ARID5B: variants seen among roughly 807,000 people sequenced by gnomAD.
ARID5B encodes AT-rich interaction domain 5B, also known as AT-rich interactive domain-containing protein 5B.
ARID5B carries 13 observed loss-of-function variants against 97.2 expected under a neutral mutation model. The observed-to-expected ratio is 0.13, with a 90% confidence interval of 0.09 to 0.21. The LOEUF (loss-of-function observed/expected upper bound fraction) is 0.21, where lower values mean the gene tolerates loss of function less well. Among genes scored for constraint, ARID5B ranks in the 10% least tolerant of loss-of-function variants. The pLI is 1.00. For missense variants in ARID5B, 1,210 were observed against 1,465.3 expected (o/e 0.83, Z 2.84); for synonymous variants, 556 against 570.3 (o/e 0.97, Z 0.36).
chr10:61,947,097 T>C (rs1023496545), intron 3 of ARID5B, among the ~76,000 whole-genome samples: 5 of 152,122 alleles, frequency 3.3e-5, no homozygotes, highest in South Asian at 2.1e-4. Context: ...CCAATTAACA[T>C]TGGAGGAGAT....
At chr10:61,962,858 T>C (rs1838490766) in intron 3 of ARID5B, among the ~76,000 whole-genome samples, 1 of 152,230 alleles carries the variant, frequency 6.6e-6, no homozygotes, top group South Asian at 2.1e-4. Flanking sequence ...TGATTGGTAA[T>C]TATGACTTAC....
intron 3 of ARID5B, among the ~76,000 whole-genome samples, chr10:61,969,393 T>C (rs2132831515): frequency 6.6e-6 from 1 of 152,266 alleles, no homozygotes; most frequent in Admixed American, 6.5e-5. Flanking sequence ...ATTGAACCTA[T>C]AATATGCATT....
chr10:62,060,591 AC>A (rs1839909649), intron 7 of ARID5B, among the ~76,000 whole-genome samples: 1 of 152,146 alleles, frequency 6.6e-6, no homozygotes, highest in Middle Eastern at 3.2e-3. Flanking sequence ...ACTCCTTGCC[AC>A]TGTAGCTCAT....
chr10:62,030,000 C>G lies in ARID5B; in HGVS notation c.734-20888C>G, dbSNP rs139391527. ...TGGGTCAGAGAAAGAGATGATCGCC[C>G]TATGATAAGTTTATTGGGTTCTAAA... On this transcript the variant is annotated intron_variant, in intron 4 of 9. Coordinates refer to ENST00000279873, the MANE Select transcript of ARID5B (RefSeq NM_032199.3). Among the ~76,000 whole-genome samples, 15 of 152,226 alleles carry G rather than the reference C, an allele frequency of 9.9e-5. No homozygotes were observed. In the East Asian group the frequency reaches 2.9e-3, roughly 29 times the overall value.
rs768295996 is a variant in ARID5B at position 62,015,515 on chromosome 10, T to A, written c.733+15194T>A. ...ATCTGACTTGAGCTCAATGGGACTTTTGTCAAATATATACAGCAGTGCTCC... is the reference window on the plus strand; with the variant it reads ...ATCTGACTTGAGCTCAATGGGACTTATGTCAAATATATACAGCAGTGCTCC... On this transcript the variant is annotated intron_variant, in intron 4 of 9. Transcript: ENST00000279873. Among the ~76,000 whole-genome samples the A allele has an allele frequency of 7.6e-4, 116 of 152,322 alleles. 1 individual carries two copies. The highest frequency in any genetic ancestry group is 1.3e-3 in the Non-Finnish European group (91 of 68,032).
intron 4 of ARID5B, among the ~76,000 whole-genome samples, chr10:62,017,490 CTT>C (rs527363249): frequency 6.9e-6 from 1 of 144,574 alleles, no homozygotes; most frequent in Admixed American, 6.9e-5. Context: ...TTTTGTTCTG[CTT>C]TTTTTTTTTT....
chr10:61,983,849 T>C (rs1838810104), intron 3 of ARID5B, among the ~76,000 whole-genome samples: 1 of 151,886 alleles, frequency 6.6e-6, no homozygotes, highest in Admixed American at 6.6e-5. Context: ...AATTATATTT[T>C]TTAAACCCCC....
intron 6 of ARID5B, 98 bp downstream of exon 6, chr10:62,057,416 T>G: frequency 8.1e-7 from 1 of 1,234,618 alleles, no homozygotes; most frequent in Admixed American, 2.2e-5. Flanking sequence ...GAAATCCTAA[T>G]CTGGGGATAG....
At chr10:61,920,826 C>T (rs1844001880) in intron 2 of ARID5B, among the ~76,000 whole-genome samples, 1 of 152,114 alleles carries the variant, frequency 6.6e-6, no homozygotes, top group South Asian at 2.1e-4. Flanking sequence ...ATAAAATCAG[C>T]TTCTTTCTCT....
rs554636672 is a variant in ARID5B at position 62,094,317 on chromosome 10, G to T, written c.*1287G>T. The T allele has an allele frequency of 4.3e-6, 1 of 230,950 alleles. No individual in the cohort carries two copies. The highest frequency in any genetic ancestry group is 8.6e-6 in the Non-Finnish European group (1 of 116,678). The allele number at this position is 230,950 out of a possible 1,614,324, so 14.3% of individuals were successfully genotyped here. On this transcript the variant is annotated 3_prime_UTR_variant, in exon 10 of 10. Transcript: ENST00000279873. ...CTTCTCTAGCCTCGGTCTTTTGAGT[G>T]ATAAGTAGTCATGTTGTTTTCATCC...
chr10:62,072,387 G>A (rs1840076984), intron 8 of ARID5B, among the ~76,000 whole-genome samples: 1 of 152,194 alleles, frequency 6.6e-6, no homozygotes, highest in Non-Finnish European at 1.5e-5. Flanking sequence ...TGCCTCCCAG[G>A]ACACACTGTT....
chr10:61,907,275 G>A (rs1385365804), intron 2 of ARID5B, among the ~76,000 whole-genome samples: 1 of 152,194 alleles, frequency 6.6e-6, no homozygotes, highest in Admixed American at 6.5e-5. Context: ...CATATCTGGA[G>A]TTAGACAGAC....
Position 62,000,098 on chromosome 10 carries a change from C to T in ARID5B, c.510C>T (p.Asp170=), listed in dbSNP as rs370897671. 4 of 1,613,796 alleles carry T rather than the reference C, an allele frequency of 2.5e-6. No individual in the cohort carries two copies. The highest frequency in any genetic ancestry group is 2.7e-5 in the African/African-American group (2 of 74,972). ...GTTTTCTCGTTTGTCTAGGGGAGGA[C>T]GAGGAAGAAACGAACGTGATAGTTC... ...VLKEKADLGE[D]EEETNVIVLS... Residue 170 remains aspartate (D), a synonymous_variant, in exon 4 of 10, where the codon GAC becomes GAT. Transcript: ENST00000279873. The surrounding 1 kb of genome is among the most constrained non-coding windows in gnomAD (Gnocchi z 4.4).
At chr10:61,992,406 TG>T (rs750284413) in intron 3 of ARID5B, among the ~76,000 whole-genome samples, 17 of 152,208 alleles carry the variant, frequency 1.1e-4, no homozygotes, top group African/African-American at 3.1e-4. Context: ...AGTTTTGTGA[TG>T]TTTTTTTTCT....
intron 3 of ARID5B, among the ~76,000 whole-genome samples, chr10:61,968,514 C>T (rs1838579510): frequency 6.6e-6 from 1 of 151,852 alleles, no homozygotes; most frequent in Non-Finnish European, 1.5e-5. Flanking sequence ...ATTTGCATTT[C>T]TTTTCCAAAG....
At chr10:62,038,959 G>A (rs371704795) in intron 4 of ARID5B, among the ~76,000 whole-genome samples, 1 of 152,164 alleles carries the variant, frequency 6.6e-6, no homozygotes, top group Non-Finnish European at 1.5e-5. Context: ...TGCAGCCTCC[G>A]AGTTTCCACT....
chr10:61,914,506 G>A (rs1297562288), intron 2 of ARID5B, among the ~76,000 whole-genome samples: 6 of 152,190 alleles, frequency 3.9e-5, no homozygotes, highest in Non-Finnish European at 8.8e-5. Context: ...TGTCCCAAAT[G>A]GAGGGAAAAC....
At chr10:62,065,995 A>G (rs1839982515) in intron 7 of ARID5B, among the ~76,000 whole-genome samples, 1 of 152,184 alleles carries the variant, frequency 6.6e-6, no homozygotes, top group South Asian at 2.1e-4. Context: ...CCCCTTGATT[A>G]GATCAAATTT....
intron 3 of ARID5B, among the ~76,000 whole-genome samples, chr10:61,947,940 G>C (rs1194212735): frequency 2.6e-5 from 4 of 152,228 alleles, no homozygotes; most frequent in Admixed American, 2.6e-4. Context: ...GGATTTTCTA[G>C]TGTTTCCTGC....
Sources: allele counts gnomAD v4.1 joint callset (sites outside exome capture counted in the v4.1 genomes callset), GRCh38; gene constraint gnomAD v4.1.1; non-coding constraint Gnocchi (gnomAD v3.1); transcripts MANE v1.5; gene names NCBI Gene and HGNC (gene_info 2026-07-23, HGNC 2026-07-21).